COL9A1: variants seen among roughly 807,000 people sequenced by gnomAD.
COL9A1 encodes collagen alpha-1(IX) chain.
A neutral mutation model predicts 142.6 loss-of-function variants in COL9A1; 104 were observed. The observed-to-expected ratio is 0.73, with a 90% CI of 0.62 to 0.86. The LOEUF is 0.86. COL9A1 is among the 40% of genes least tolerant of loss of function. COL9A1 has a pLI of 0.00. For synonymous variants in COL9A1, 466 were observed against 396.0 expected (o/e 1.18, Z -2.10); for missense variants, 1,210 against 1,176.6 (o/e 1.03, Z -0.42).
Position 70,268,830 on chromosome 6 carries a change from C to A in COL9A1, c.1261G>T (p.Gly421Ter), listed in dbSNP as rs1374828133. 1 of 1,613,942 alleles carries A rather than the reference C, an allele frequency of 6.2e-7. No individual in the cohort carries two copies. The highest frequency in any genetic ancestry group is 1.7e-5 in the Admixed American group (1 of 60,024). Residue 421 changes from glycine (G) to a stop codon, truncating the protein, a stop_gained, in exon 17 of 38, where the codon GGA becomes TGA. Coordinates refer to ENST00000357250, the MANE Select transcript of COL9A1 (RefSeq NM_001851.6). LOFTEE classifies it high-confidence loss of function. ...CTCATGCCTGGTAGGCCTGGATATC[C>A]TGAGCGACCTGGTGGACAGGCATTG... ...CPNACPPGRS[G>*]YPGLPGMRGH...
chr6:70,299,447 G>A (rs1479038376), intron 4 of COL9A1, among the ~76,000 whole-genome samples: 2 of 152,124 alleles, frequency 1.3e-5, no homozygotes, highest in East Asian at 1.9e-4. Flanking sequence ...ATGATGACAG[G>A]ACTCAACACT....
At position 70,232,683 on chromosome 6, in the gene COL9A1, G is replaced by A. The variant is rs759764758; in HGVS notation, c.2403C>T (p.Pro801=). ...LPGRPGPPGP[P]GPPGENGFPG... ...GGAAACCATTCTCTCCAGGAGGGCC[G>A]GGGGGACCAGGAGGGCCAGGCCTTC... Residue 801 remains proline (P), a synonymous_variant, in exon 36 of 38, where the codon CCC becomes CCT. Transcript: ENST00000357250. The A allele has an allele frequency of 3.7e-5, 60 of 1,613,608 alleles. No homozygotes were observed. Among genetic ancestry groups the A allele is most frequent in the South Asian group, 1.8e-4 (16 of 91,074 alleles).
At chr6:70,302,629 C>T (rs184070500) in intron 1 of COL9A1, among the ~76,000 whole-genome samples, 6 of 152,044 alleles carry the variant, frequency 3.9e-5, no homozygotes, top group African/African-American at 1.4e-4. Context: ...GTTTTGGTAC[C>T]TATTTCTTTG....
rs1268667358 is a variant in COL9A1, at chr6:70,232,739, G to A, written c.2347C>T (p.Arg783Cys). ...HFAEMAASLKRPDSGATGLPG... is the reference protein window; with the variant it reads ...HFAEMAASLKCPDSGATGLPG... ...AGCCCAGTGGCACCTGAGTCTGGAC[G>A]CTTAAGACTGGCAGCCATCTCAGCA... The change falls in exon 36 of 38, where the codon CGT (arginine) becomes TGT (cysteine). Residue 783 changes from arginine (R) to cysteine (C), a missense_variant. Arg to Cys is a radical substitution (Grantham distance 180, BLOSUM62 -3). Coordinates refer to ENST00000357250, the MANE Select transcript of COL9A1 (RefSeq NM_001851.6). 2.5e-6 allele frequency: 4 copies of A among 1,613,694 alleles called. No homozygotes were observed. The highest frequency in any genetic ancestry group is 2.2e-5 in the East Asian group (1 of 44,864).
At chr6:70,251,873 A>T (rs1770967357) in intron 28 of COL9A1, among the ~76,000 whole-genome samples, 1 of 152,246 alleles carries the variant, frequency 6.6e-6, no homozygotes, top group Admixed American at 6.5e-5. Flanking sequence ...ATCACACTAA[A>T]ATATTTCCTT....
chr6:70,297,267 A>G (rs1032452389), intron 4 of COL9A1, among the ~76,000 whole-genome samples: 1 of 152,146 alleles, frequency 6.6e-6, no homozygotes, highest in African/African-American at 2.4e-5. Context: ...GAATACCTCA[A>G]TTACAGATAC....
intron 2 of COL9A1, among the ~76,000 whole-genome samples, chr6:70,301,124 A>C (rs2127608934): frequency 6.6e-6 from 1 of 152,350 alleles, no homozygotes; most frequent in South Asian, 2.1e-4. Flanking sequence ...AAGAAATCAT[A>C]GAATGGAATT....
chr6:70,282,943 A>G, intron 6 of COL9A1, 25 bp from the exon 7 acceptor site: 4 of 1,614,124 alleles, frequency 2.5e-6, no homozygotes, highest in Non-Finnish European at 3.4e-6. Context: ...ATGGGGAGAA[A>G]GTGAGAAAAG....
chr6:70,217,200 G>A (rs1237704497), intron 37 of COL9A1, 119 bp from the exon 38 acceptor site: 3 of 818,570 alleles, frequency 3.7e-6, no homozygotes, highest in Admixed American at 4.0e-5. Context: ...TGGAAGCGAT[G>A]GATGATGACT....
chr6:70,263,818 A>C (rs1463418204), intron 18 of COL9A1, among the ~76,000 whole-genome samples: 1 of 151,906 alleles, frequency 6.6e-6, no homozygotes, highest in African/African-American at 2.4e-5. Context: ...CATTTCTTTC[A>C]TGGGTTATAC....
chr6:70,283,082 C>G (rs747557261), intron 6 of COL9A1, 164 bp from the exon 7 acceptor site: 18 of 1,566,524 alleles, frequency 1.1e-5, no homozygotes, highest in Admixed American at 1.8e-5. Context: ...TCCCTTGGCC[C>G]GGCTCTGCAG....
Position 70,237,324 on chromosome 6 carries a change from A to G in COL9A1, c.2112+1930T>C, listed in dbSNP as rs183437819. Among the ~76,000 whole-genome samples the G allele has an allele frequency of 4.4e-3, 677 of 152,350 alleles. 7 individuals carry two copies. Among genetic ancestry groups the G allele is most frequent in the Middle Eastern group, 0.034 (10 of 294 alleles). On this transcript the variant is annotated intron_variant, in intron 33 of 37. Coordinates refer to ENST00000357250, the MANE Select transcript of COL9A1 (RefSeq NM_001851.6). The stretch of plus-strand genomic sequence containing the variant: ...CAGGACCCTGGGTCTCTGGGAAAAA[A>G]TTCCTCAACTGAGGAGTGGTATACT...
intron 28 of COL9A1, among the ~76,000 whole-genome samples, chr6:70,249,591 T>C (rs1180908356): frequency 6.6e-6 from 1 of 152,052 alleles, no homozygotes; most frequent in Non-Finnish European, 1.5e-5. Flanking sequence ...AACCAACAGG[T>C]CCTATTTGTG....
rs917863075 is a variant in COL9A1, at chr6:70,300,027, A to G, written c.299+16T>C. On this transcript the variant is annotated intron_variant, in intron 4 of 37. Transcript: ENST00000357250. Reference sequence around the variant, plus strand: ...TTGAGTCAGATAATTAGATTAAAATATTTTTGATAGATTACCTAGTTGGAA... The same window carrying G: ...TTGAGTCAGATAATTAGATTAAAATGTTTTTGATAGATTACCTAGTTGGAA... The G allele has an allele frequency of 6.2e-6, 10 of 1,612,320 alleles. No individual in the cohort carries two copies. Among genetic ancestry groups the G allele is most frequent in the Non-Finnish European group, 7.6e-6 (9 of 1,178,434 alleles).
intron 19 of COL9A1, among the ~76,000 whole-genome samples, chr6:70,262,763 G>A (rs547802818): frequency 7.9e-5 from 12 of 152,250 alleles, no homozygotes; most frequent in South Asian, 2.1e-4. Context: ...GCTAAAGCAC[G>A]AGGGACCAAT....
At chr6:70,233,862 G>C (rs750710097) in intron 35 of COL9A1, among the ~76,000 whole-genome samples, 1 of 152,160 alleles carries the variant, frequency 6.6e-6, no homozygotes, top group Admixed American at 6.5e-5. Flanking sequence ...CCAGAATACT[G>C]TAACTAGCTA....
chr6:70,283,781 G>T lies in COL9A1; in HGVS notation c.736C>A (p.Arg246=), dbSNP rs138557524. The T allele has an allele frequency of 1.9e-6, 3 of 1,611,004 alleles. No homozygotes were observed. Among genetic ancestry groups the T allele is most frequent in the African/African-American group, 1.3e-5 (1 of 74,862 alleles). Residue 246 remains arginine, a synonymous_variant, in exon 6 of 38, where the codon CGG becomes AGG. Transcript: ENST00000357250. ...TCATGGCAAGTTTCTCTCCTGGGCC[G>T]CAGGGGGTCACAATGGATCAGCATC... The part of the protein sequence containing the change: ...QWMLIHCDPL[R]PRRETCHELP...
intron 2 of COL9A1, among the ~76,000 whole-genome samples, chr6:70,300,775 GA>G (rs1774033676): frequency 6.6e-6 from 1 of 152,148 alleles, no homozygotes; most frequent in South Asian, 2.1e-4. Context: ...CACAGGGTCA[GA>G]AATCTGTTTG....
At position 70,283,727 on chromosome 6, in the gene COL9A1, G is replaced by C. The variant is rs1394863504; in HGVS notation, c.780+10C>G. ...TAGAAGTGGCCTTTGCAGGTAGTCA[G>C]GGGACTCACCGTTATTCTGGCTGGC... On this transcript the variant is annotated intron_variant, in intron 6 of 37. Coordinates refer to ENST00000357250, the MANE Select transcript of COL9A1 (RefSeq NM_001851.6). 6.2e-7 allele frequency: 1 copy of C among 1,607,242 alleles called. No homozygotes were observed. The highest frequency in any genetic ancestry group is 8.5e-7 in the Non-Finnish European group (1 of 1,176,102).
Sources: allele counts gnomAD v4.1 joint callset (sites outside exome capture counted in the v4.1 genomes callset), GRCh38; gene constraint gnomAD v4.1.1; transcripts MANE v1.5; gene names NCBI Gene and HGNC (gene_info 2026-07-23, HGNC 2026-07-21).